The following PTCHD4 variants were observed in gnomAD, a reference collection of about 807,000 sequenced individuals.
PTCHD4 encodes the protein patched domain-containing protein 4.
A neutral mutation model predicts 58.1 loss-of-function variants in PTCHD4; 33 were observed. That is an observed-to-expected ratio of 0.57 (90% CI 0.43 to 0.76). PTCHD4 has a LOEUF of 0.76. Ranked by LOEUF, PTCHD4 falls within the 30% of genes least tolerant of loss-of-function variation. The pLI is 0.00. For missense variants in PTCHD4, 1,058 were observed against 1,027.1 expected, an observed-to-expected ratio of 1.03 and a Z score of -0.41; for synonymous variants, 478 against 409.6, an observed-to-expected ratio of 1.17 and a Z score of -2.02.
intron 3 of PTCHD4, among the ~76,000 whole-genome samples, chr6:48,064,566 T>C (rs1237940147): frequency 6.6e-6 from 1 of 152,004 alleles, no homozygotes; most frequent in East Asian, 1.9e-4. Flanking sequence ...TGAAAAAAAA[T>C]AGCCCCTAAA....
chr6:47,940,456 A>G (rs1304114228), intron 4 of PTCHD4, among the ~76,000 whole-genome samples: 1 of 152,174 alleles, frequency 6.6e-6, no homozygotes. Context: ...CAATTTAACC[A>G]ATGATTTTGT....
chr6:47,963,474 C>A (rs1694408199), intron 4 of PTCHD4, among the ~76,000 whole-genome samples: 1 of 152,158 alleles, frequency 6.6e-6, no homozygotes, highest in Admixed American at 6.5e-5. Flanking sequence ...CCAGCAATCC[C>A]ACTTCTGAGT....
chr6:48,012,356 TG>T (rs1562006388), intron 3 of PTCHD4, among the ~76,000 whole-genome samples: 1 of 152,220 alleles, frequency 6.6e-6, no homozygotes, highest in African/African-American at 2.4e-5. Context: ...AGTTCACTCA[TG>T]ATTTGGCTCT....
chr6:47,992,472 G>A (rs1768318261), intron 4 of PTCHD4, among the ~76,000 whole-genome samples: 1 of 152,198 alleles, frequency 6.6e-6, no homozygotes, highest in Admixed American at 6.5e-5. Flanking sequence ...CTGGAATGCT[G>A]GTATTGTTCT....
chr6:47,999,074 G>A (rs1484543185), intron 4 of PTCHD4, among the ~76,000 whole-genome samples: 1 of 152,148 alleles, frequency 6.6e-6, no homozygotes, highest in Admixed American at 6.5e-5. Flanking sequence ...CCCCCAGTGA[G>A]TCAAAACTCT....
At chr6:47,924,172 C>A (rs558703028) in intron 4 of PTCHD4, among the ~76,000 whole-genome samples, 2 of 152,002 alleles carry the variant, frequency 1.3e-5, no homozygotes, top group African/African-American at 2.4e-5. Flanking sequence ...CCCCTCATCC[C>A]GAGCTGCTGT....
chr6:48,030,159 A>G (rs932448272), intron 3 of PTCHD4, among the ~76,000 whole-genome samples: 3 of 152,144 alleles, frequency 2.0e-5, no homozygotes, highest in Non-Finnish European at 4.4e-5. Context: ...TATGTAGTCA[A>G]TGACCACTTA....
In PTCHD4 at chr6:47,879,404, C is replaced by T. The variant is rs965145063; in HGVS notation, c.1431G>A (p.Met477Ile). 6.2e-7 allele frequency: 1 copy of T among 1,613,642 alleles called. No individual in the cohort carries two copies. ...LYLIYASFSF[M>I]GCLQISDGAN... ...CTCCGTCACTGATCTGTAAGCACCC[C>T]ATGAAGGAGAAGGAGGCATAAATGA... Residue 477 changes from methionine (M) to isoleucine (I), a missense_variant, in exon 5 of 5, where the codon ATG becomes ATA. Transcript: ENST00000339488.
chr6:47,874,636 T>C lies in PTCHD4; in HGVS notation c.*3667A>G, dbSNP rs568454165. Among the ~76,000 whole-genome samples the C allele has an allele frequency of 2.8e-4, 43 of 151,802 alleles. No individual in the cohort carries two copies. The highest frequency in any genetic ancestry group is 1.0e-3 in the African/African-American group (42 of 41,494). On this transcript the variant is annotated 3_prime_UTR_variant, in exon 5 of 5. Coordinates refer to ENST00000339488, the MANE Select transcript of PTCHD4 (RefSeq NM_001384253.1). ...ATTTAACATTCAAGAATAACTATAA[T>C]AGCATCATAAAACATTTGTCATCAT...
intron 4 of PTCHD4, among the ~76,000 whole-genome samples, chr6:47,925,407 C>T (rs981192260): frequency 6.6e-6 from 1 of 152,126 alleles, no homozygotes; most frequent in African/African-American, 2.4e-5. Context: ...TGACTATCTG[C>T]AGCCATCTAT....
At chr6:48,085,427 C>T (rs1216357573) in intron 1 of PTCHD4, among the ~76,000 whole-genome samples, 1 of 152,138 alleles carries the variant, frequency 6.6e-6, no homozygotes, top group African/African-American at 2.4e-5. Flanking sequence ...CCAGTCACTT[C>T]AAACTTGCCA....
In PTCHD4 at chr6:47,952,684, A is replaced by G. The variant is rs375751111; in HGVS notation, c.898+55950T>C. Among the ~76,000 whole-genome samples, 418 of 152,250 alleles carry G rather than the reference A, an allele frequency of 2.7e-3. 1 individual carries two copies. The highest frequency in any genetic ancestry group is 9.5e-3 in the African/African-American group (397 of 41,578). ...TCACTGTAATATAACTGCCTACAGT[A>G]TTCAGTACAGGAACATTTTGTACGG... is the stretch of plus-strand genomic sequence containing the variant. On this transcript the variant is annotated intron_variant, in intron 4 of 4. Coordinates refer to ENST00000339488, the MANE Select transcript of PTCHD4 (RefSeq NM_001384253.1).
chr6:47,921,262 CTGCTT>C (rs1272727459), intron 4 of PTCHD4, among the ~76,000 whole-genome samples: 5 of 152,072 alleles, frequency 3.3e-5, no homozygotes, highest in African/African-American at 1.2e-4. Flanking sequence ...TGCCATTTCT[CTGCTT>C]TGTTTTACGC....
chr6:48,058,907 G>A (rs995171544), intron 3 of PTCHD4, among the ~76,000 whole-genome samples: 5 of 152,030 alleles, frequency 3.3e-5, no homozygotes, highest in Admixed American at 1.3e-4. Flanking sequence ...GAATTAATGA[G>A]GACTACCAAA....
intron 3 of PTCHD4, among the ~76,000 whole-genome samples, chr6:48,011,037 G>A (rs188206308): frequency 7.2e-5 from 11 of 152,190 alleles, no homozygotes; most frequent in Admixed American, 5.2e-4. Flanking sequence ...TGCAATAAAC[G>A]TACGTGTGCA....
chr6:48,109,469 C>T (rs1015756813), intron 1 of PTCHD4, among the ~76,000 whole-genome samples: 2 of 151,986 alleles, frequency 1.3e-5, no homozygotes, highest in African/African-American at 4.8e-5. Context: ...CTATGAAATT[C>T]CTGGAAGAAA....
Position 47,877,982 on chromosome 6 carries a change from C to T in PTCHD4, c.*321G>A. On this transcript the variant is annotated 3_prime_UTR_variant, in exon 5 of 5. Coordinates refer to ENST00000339488, the MANE Select transcript of PTCHD4 (RefSeq NM_001384253.1). The stretch of plus-strand genomic sequence containing the variant: ...TCCTTGCTTCTCCATCACTCCTAAG[C>T]ATTTTATTTTTAAAAGAAGCTGGTT... 1 of 196,136 alleles carries T rather than the reference C, an allele frequency of 5.1e-6. No homozygotes were observed. Among genetic ancestry groups the T allele is most frequent in the Non-Finnish European group, 1.0e-5 (1 of 97,304 alleles). The allele number at this position is 196,136 out of a possible 1,614,324, so 12.1% of individuals were successfully genotyped here. A position where few individuals can be genotyped will look rare whatever the true frequency, so the allele number is the denominator to read the frequency against.
At chr6:47,886,972 C>T (rs764618915) in intron 4 of PTCHD4, among the ~76,000 whole-genome samples, 22 of 152,282 alleles carry the variant, frequency 1.4e-4, no homozygotes, top group Middle Eastern at 6.8e-3. Flanking sequence ...CGTTGGTGGG[C>T]CCATCTTTTA....
intron 4 of PTCHD4, among the ~76,000 whole-genome samples, chr6:47,959,228 G>T (rs899876434): frequency 2.0e-5 from 3 of 152,146 alleles, no homozygotes; most frequent in African/African-American, 7.2e-5. Context: ...AAACAGACAT[G>T]ATGTACAAAA....
Sources: allele counts gnomAD v4.1 joint callset (sites outside exome capture counted in the v4.1 genomes callset), GRCh38; gene constraint gnomAD v4.1.1; transcripts MANE v1.5; gene names NCBI Gene and HGNC (gene_info 2026-07-23, HGNC 2026-07-21).